SCN1A: variants seen among roughly 807,000 people sequenced by gnomAD.
The protein encoded by SCN1A is sodium channel protein type 1 subunit alpha.
SCN1A carries 13 observed loss-of-function variants against 193.7 expected under a neutral mutation model. The ratio of observed to expected loss-of-function variants is 0.07; its 90% CI spans 0.04 to 0.11. The LOEUF is 0.11. Among genes scored for constraint, SCN1A ranks in the 10% least tolerant of loss-of-function variants. The pLI, the probability that SCN1A is intolerant of heterozygous loss-of-function variation, is 1.00. For synonymous variants in SCN1A, 781 were observed against 843.6 expected, an observed-to-expected ratio of 0.93 and a Z score of 1.29; for missense variants, 1,432 against 2,451.1, an observed-to-expected ratio of 0.58 and a Z score of 8.78.
rs550902802 is a variant in SCN1A, at chr2:166,136,654, A to G, written c.-50+12393T>C. Among the ~76,000 whole-genome samples the G allele has an allele frequency of 2.6e-5, 4 of 152,306 alleles. No homozygotes were observed. The East Asian group carries it at 7.7e-4, about 29-fold the overall frequency. ...ATGGTCCTAGCAGAAAGTAGATGGTACATTCAAAATGGTTAAAATAAAAAT... is the reference window on the plus strand; with the variant it reads ...ATGGTCCTAGCAGAAAGTAGATGGTGCATTCAAAATGGTTAAAATAAAAAT... On this transcript the variant is annotated intron_variant, in intron 1 of 26. Coordinates refer to the SCN1A transcript ENST00000635750.
At chr2:166,026,439 C>T (rs1694767297) in intron 19 of SCN1A, among the ~76,000 whole-genome samples, 1 of 151,976 alleles carries the variant, frequency 6.6e-6, no homozygotes, top group Non-Finnish European at 1.5e-5. Flanking sequence ...AAAAGTCCAC[C>T]TCTATGTTAG....
intron 2 of SCN1A, among the ~76,000 whole-genome samples, chr2:166,089,401 T>C (rs1219155572): frequency 1.3e-5 from 2 of 152,170 alleles, no homozygotes; most frequent in African/African-American, 4.8e-5. Flanking sequence ...TAATTAGCAT[T>C]TTCAGTTCAG....
At chr2:166,093,420 G>C (rs974618840) in intron 2 of SCN1A, among the ~76,000 whole-genome samples, 1 of 151,754 alleles carries the variant, frequency 6.6e-6, no homozygotes, top group Non-Finnish European at 1.5e-5. Flanking sequence ...CTCACTGCAA[G>C]CTCCACCTCC....
chr2:166,054,612 C>CT, intron 7 of SCN1A, 26 bp downstream of exon 7: 1 of 1,610,926 alleles, frequency 6.2e-7, no homozygotes, highest in Admixed American at 1.7e-5. Flanking sequence ...TATGTTCTCT[C>CT]TTAAAGTTTC....
At chr2:166,141,061 C>T (rs946141247) in intron 1 of SCN1A, among the ~76,000 whole-genome samples, 5 of 152,110 alleles carry the variant, frequency 3.3e-5, no homozygotes, top group African/African-American at 9.7e-5. Flanking sequence ...GCTCTTAAAG[C>T]CTACTCACTT....
intron 1 of SCN1A, among the ~76,000 whole-genome samples, chr2:166,146,978 A>G (rs893055869): frequency 1.3e-5 from 2 of 152,242 alleles, no homozygotes; most frequent in African/African-American, 2.4e-5. Context: ...AACCATTTTT[A>G]TAATATTTAA....
chr2:166,141,128 G>GA (rs1692064243), intron 1 of SCN1A, among the ~76,000 whole-genome samples: 1 of 151,898 alleles, frequency 6.6e-6, no homozygotes, highest in Admixed American at 6.6e-5. Context: ...CACTCCCCGG[G>GA]TGTTCCCATT....
upstream of SCN1A, among the ~76,000 whole-genome samples, chr2:166,131,260 C>T (rs565328564): frequency 6.6e-6 from 1 of 152,252 alleles, no homozygotes; most frequent in Non-Finnish European, 1.5e-5. Context: ...GACAATACTT[C>T]AATCTGTAAT....
chr2:166,012,612 C>CTTTTTTTTTTTTTTT (rs60890420), intron 21 of SCN1A, among the ~76,000 whole-genome samples: 4 of 77,230 alleles, frequency 5.2e-5, no homozygotes, highest in African/African-American at 1.6e-4. Flanking sequence ...CTTCTATTGG[C>CTTTTTTTTTTTTTTT]TTTTTTTTTT....
At chr2:166,109,624 A>G (rs1689082615) in intron 2 of SCN1A, 1 of 152,190 alleles carries the variant, frequency 6.6e-6, no homozygotes, top group Non-Finnish European at 1.5e-5. Flanking sequence ...AATATTTCAA[A>G]CTTTTTCACT....
Position 165,994,268 on chromosome 2 carries a change from T to C in SCN1A, c.4730A>G (p.Asn1577Ser). ...AGTAAATAGCACAATGAACACCAGATTGATGCGTGACAAAATGGTAGTCAC... is the reference window on the plus strand; with the variant it reads ...AGTAAATAGCACAATGAACACCAGACTGATGCGTGACAAAATGGTAGTCAC... ...EYVTTILSRI[N>S]LVFIVLFTGE... Residue 1577 changes from asparagine to serine, a missense_variant, in exon 28 of 29, where the codon AAT becomes AGT. By Grantham distance (46) the Asn-to-Ser change is conservative. This residue lies in a region of SCN1A where 85 missense variants were observed against 119.1 expected (regional missense o/e 0.71). Coordinates refer to ENST00000674923, the MANE Select transcript of SCN1A (RefSeq NM_001165963.4). The C allele has an allele frequency of 6.2e-7, 1 of 1,613,234 alleles. No individual in the cohort carries two copies. Among genetic ancestry groups the C allele is most frequent in the Non-Finnish European group, 8.5e-7 (1 of 1,179,510 alleles).
At chr2:166,094,262 C>T (rs1486527381) in intron 2 of SCN1A, among the ~76,000 whole-genome samples, 2 of 152,098 alleles carry the variant, frequency 1.3e-5, no homozygotes, top group African/African-American at 2.4e-5. Flanking sequence ...TACTGATAGA[C>T]GTGTTGGAAT....
At chr2:166,128,759 AAGC>A (rs1691501967), upstream of SCN1A, among the ~76,000 whole-genome samples, 1 of 152,192 alleles carries the variant, frequency 6.6e-6, no homozygotes, top group Non-Finnish European at 1.5e-5. Context: ...ACATTTTAAT[AAGC>A]AAATATATAT....
intron 2 of SCN1A, among the ~76,000 whole-genome samples, chr2:166,119,198 T>C (rs503872): frequency 0.93 from 142,000 of 152,230 alleles, 66,497 homozygotes; most frequent in East Asian, 0.98. Flanking sequence ...TTGGGGACCC[T>C]TAATCTGATG....
intron 2 of SCN1A, among the ~76,000 whole-genome samples, chr2:166,101,279 T>C (rs933006083): frequency 4.0e-5 from 6 of 148,190 alleles, no homozygotes; most frequent in Non-Finnish European, 8.9e-5. Context: ...AAACACCGCA[T>C]ATTCTCACTC....
chr2:165,995,489 C>T (rs1261947250), intron 27 of SCN1A, among the ~76,000 whole-genome samples: 2 of 151,716 alleles, frequency 1.3e-5, no homozygotes, highest in African/African-American at 4.8e-5. Context: ...ATTAGTAATA[C>T]CTAACTCTAT....
intron 23 of SCN1A, among the ~76,000 whole-genome samples, chr2:166,004,351 C>T (rs929214256): frequency 2.0e-5 from 3 of 151,420 alleles, no homozygotes; most frequent in African/African-American, 7.3e-5. Flanking sequence ...CTTCAACACC[C>T]AATTTAGAGT....
At chr2:166,010,466 T>C (rs1692281812) in intron 22 of SCN1A, among the ~76,000 whole-genome samples, 1 of 151,272 alleles carries the variant, frequency 6.6e-6, no homozygotes, top group African/African-American at 2.4e-5. Flanking sequence ...TCTGCCATGA[T>C]ATCTGGCCCC....
chr2:166,004,707 A>T (rs927599343), intron 23 of SCN1A, among the ~76,000 whole-genome samples: 1 of 151,504 alleles, frequency 6.6e-6, no homozygotes, highest in Non-Finnish European at 1.5e-5. Context: ...ACTTCATGCC[A>T]CTTCAATTAA....
Sources: gnomAD v4.1 joint callset for allele counts (sites outside exome capture counted in the v4.1 genomes callset) on GRCh38, gnomAD v4.1.1 for gene constraint, gnomAD v4.1.1 regional missense constraint, MANE v1.5 for transcripts, NCBI Gene and HGNC (gene_info 2026-07-23, HGNC 2026-07-21) for gene names.